The following TTN variants were observed in gnomAD, a reference collection of about 807,000 sequenced individuals.
TTN encodes the protein connectin.
Under a neutral mutation model 3,223.0 loss-of-function variants are expected in TTN, and 1,525 were observed. The ratio of observed to expected loss-of-function variants is 0.47; its 90% CI spans 0.45 to 0.49. TTN has a LOEUF of 0.49. Ranked by LOEUF, TTN falls within the 20% of genes least tolerant of loss-of-function variation. The pLI, the probability that TTN is intolerant of heterozygous loss-of-function variation, is 0.00. For missense variants in TTN, 40,786 were observed against 43,424.0 expected (o/e 0.94, Z 5.40); for synonymous variants, 14,094 against 15,161.0 (o/e 0.93, Z 5.17).
In TTN at chr2:178,724,247, C is replaced by G; in HGVS notation, c.21115+13G>C. On this transcript the variant is annotated intron_variant, in intron 72 of 362. Coordinates refer to ENST00000589042, the MANE Select transcript of TTN (RefSeq NM_001267550.2). ...ATTTGCATAAGCAACCAGAAGAAAA[C>G]AGCAGAACTAACCTGAAACATCAAC... The G allele has an allele frequency of 6.2e-7, 1 of 1,606,212 alleles. No individual in the cohort carries two copies. Among genetic ancestry groups the G allele is most frequent in the Non-Finnish European group, 8.5e-7 (1 of 1,175,724 alleles).
At chr2:178,751,451 T>A (rs1413900610) in intron 47 of TTN, 1 of 1,613,192 alleles carries the variant, frequency 6.2e-7, no homozygotes, top group Non-Finnish European at 8.5e-7. Flanking sequence ...CATTCCCTTT[T>A]GTTCCACATC....
At chr2:178,696,353 C>A (rs2073709118) in intron 113 of TTN, 84 bp from the exon 114 acceptor site, 1 of 1,120,520 alleles carries the variant, frequency 8.9e-7, no homozygotes, top group African/African-American at 1.6e-5. Context: ...AGTTAAACAA[C>A]ATCAGTATTT....
chr2:178,542,543 C>T lies in TTN; in HGVS notation c.97213G>A (p.Gly32405Arg), dbSNP rs767902989. Residue 32405 changes from glycine (G) to arginine (R), a missense_variant, in exon 349 of 363, where the codon GGA becomes AGA. Physicochemically the swap from Gly to Arg is moderately radical, Grantham distance 125. Coordinates refer to ENST00000589042, the MANE Select transcript of TTN (RefSeq NM_001267550.2). ...TCAATTTCATCAATCTTAATAGGTC[C>T]TGTTGGTGGACCAGGCTTGTCTATG... is the stretch of plus-strand genomic sequence containing the variant. ...IILDKPGPPT[G>R]PIKIDEIDAT... The T allele has an allele frequency of 6.2e-7, 1 of 1,605,228 alleles. No homozygotes were observed. The highest frequency in any genetic ancestry group is 1.1e-5 in the South Asian group (1 of 90,536).
chr2:178,629,225 G>A, intron 240 of TTN, 76 bp downstream of exon 240: 1 of 1,536,818 alleles, frequency 6.5e-7, no homozygotes, highest in Non-Finnish European at 8.8e-7. Flanking sequence ...AAAGAGCAAA[G>A]AATAAGGAAC....
rs937376366 is a variant in TTN, at chr2:178,669,533, T to A, written c.35470+59A>T. The A allele has an allele frequency of 3.1e-6, 5 of 1,603,868 alleles. No individual in the cohort carries two copies. The African/African-American group carries it at 6.7e-5, about 21-fold the overall frequency. ...GATTTAATGTCACACACATTCACTT[T>A]AAACCATGAAAAACTAAACCAAGAA... On this transcript the variant is annotated intron_variant, in intron 158 of 362. Transcript: ENST00000589042.
chr2:178,753,422 C>T, intron 46 of TTN: 1 of 398,838 alleles, frequency 2.5e-6, no homozygotes, highest in Non-Finnish European at 4.5e-6. Context: ...ACTTTTAGTT[C>T]TATAATTCCC....
chr2:178,569,800 T>C lies in TTN; in HGVS notation c.76332A>G (p.Lys25444=), dbSNP rs770712367. The stretch of plus-strand genomic sequence containing the variant: ...TCCATTCACCAACACTCACATCACA[T>C]TTTTCAACAATGTATCCTTGAATTT... The part of the protein sequence containing the change: ...GCEIQGYIVE[K]CDVSVGEWTM... Residue 25444 remains lysine (K), a synonymous_variant, in exon 326 of 363, where the codon AAA becomes AAG. Transcript: ENST00000589042. The C allele has an allele frequency of 1.2e-6, 2 of 1,613,336 alleles. No homozygotes were observed. The highest frequency in any genetic ancestry group is 2.2e-5 in the South Asian group (2 of 91,054).
intron 36 of TTN, 30 bp downstream of exon 36, chr2:178,770,030 A>C (rs894602469): frequency 1.2e-6 from 2 of 1,614,164 alleles, no homozygotes; most frequent in Non-Finnish European, 1.7e-6. Flanking sequence ...TCATTAAGGA[A>C]AGGGCTGTAG....
At chr2:178,672,597 G>T (rs1442253601) in intron 153 of TTN, 38 bp downstream of exon 153, 1 of 1,609,324 alleles carries the variant, frequency 6.2e-7, no homozygotes, top group Non-Finnish European at 8.5e-7. Context: ...AACGAAAAAA[G>T]ACAGAAGAGG....
chr2:178,766,407 C>T lies in TTN; in HGVS notation c.9677G>A (p.Arg3226Lys), dbSNP rs769991631. The T allele has an allele frequency of 6.2e-7, 1 of 1,613,886 alleles. No homozygotes were observed. ...GEYTFVAGRN[R>K]SSVTLYVNAP... The stretch of plus-strand genomic sequence containing the variant: ...ATTGACATAGAGAGTGACAGAACTC[C>T]TGTTCCTTCCTGCCACAAAGGTGTA... Residue 3226 changes from arginine to lysine, a missense_variant, in exon 41 of 363, where the codon AGG becomes AAG. Transcript: ENST00000589042.
At chr2:178,583,361 TA>T in intron 312 of TTN, 134 bp from the exon 313 acceptor site, 1 of 982,628 alleles carries the variant, frequency 1.0e-6, no homozygotes, top group Admixed American at 3.4e-5. Context: ...TGTTTATTTT[TA>T]ATAGACAAAT....
At position 178,568,721 on chromosome 2, in the gene TTN, A is replaced by C; in HGVS notation, c.77411T>G (p.Phe25804Cys). Residue 25804 changes from phenylalanine to cysteine, a missense_variant, in exon 326 of 363, where the codon TTC (phenylalanine) becomes TGC (cysteine). Transcript: ENST00000589042. ...GCCAACCTGTACACTGTAACTACTG[A>C]ATGCAGGTTTTACATCTGGCTCAAT... ...LVIEPDVKPA[F>C]SSYSVQVGQD... 2.5e-6 allele frequency: 4 copies of C among 1,613,288 alleles called. No homozygotes were observed. The highest frequency in any genetic ancestry group is 3.4e-6 in the Non-Finnish European group (4 of 1,179,542).
Position 178,532,152 on chromosome 2 carries a change from G to C in TTN, c.104463C>G (p.Ile34821Met). ...EITEIEEEYE[I>M]SKHAQRESSS... ...ATGATTCTCTTTGAGCATGTTTTGAGATTTCGTATTCTTCCTCAATTTCTG... is the reference window on the plus strand; with the variant it reads ...ATGATTCTCTTTGAGCATGTTTTGACATTTCGTATTCTTCCTCAATTTCTG... The change falls in exon 358 of 363, where the codon ATC (isoleucine) becomes ATG (methionine). Residue 34821 changes from isoleucine (I) to methionine (M), a missense_variant. By Grantham distance (10) the Ile-to-Met change is conservative (BLOSUM62 1). Transcript: ENST00000589042. 1 of 1,613,822 alleles carries C rather than the reference G, an allele frequency of 6.2e-7. No individual in the cohort carries two copies. The highest frequency in any genetic ancestry group is 8.5e-7 in the Non-Finnish European group (1 of 1,179,850).
intron 113 of TTN, among the ~76,000 whole-genome samples, chr2:178,696,780 A>G (rs1302807918): frequency 1.3e-5 from 2 of 152,108 alleles, no homozygotes; most frequent in African/African-American, 2.4e-5. Context: ...GTACTTTTAG[A>G]TAACAGATTT....
At position 178,730,527 on chromosome 2, in the gene TTN, G is replaced by A; in HGVS notation, c.18006C>T (p.Cys6002=). The A allele has an allele frequency of 2.5e-6, 4 of 1,611,344 alleles. No individual in the cohort carries two copies. Among genetic ancestry groups the A allele is most frequent in the Non-Finnish European group, 3.4e-6 (4 of 1,177,764 alleles). Residue 6002 remains cysteine (C), a synonymous_variant, in exon 61 of 363, where the codon TGC becomes TGT. Coordinates refer to ENST00000589042, the MANE Select transcript of TTN (RefSeq NM_001267550.2). ...SATNKAGHNQ[C]SGHLTVKEPP... is the part of the protein sequence containing the mutation. ...AACCTTTGACTGTCAGATGCCCACT[G>A]CATTGGTTGTGCCCTGCCTTATTTG...
intron 356 of TTN, 78 bp from the exon 357 acceptor site, chr2:178,536,653 G>A: frequency 3.2e-6 from 4 of 1,242,924 alleles, no homozygotes; most frequent in Non-Finnish European, 4.3e-6. Context: ...AAAAAAGAAT[G>A]TTATATGAGT....
intron 56 of TTN, 21 bp from the exon 57 acceptor site, chr2:178,732,368 T>C (rs2080701334): frequency 9.5e-6 from 15 of 1,579,256 alleles, no homozygotes; most frequent in Middle Eastern, 1.7e-4. Flanking sequence ...AAGGAAGTTA[T>C]TAAGAAATGT....
intron 127 of TTN, among the ~76,000 whole-genome samples, chr2:178,686,371 C>T (rs1388718516): frequency 7.9e-5 from 12 of 151,616 alleles, no homozygotes; most frequent in African/African-American, 2.9e-4. Context: ...CCACCCGCCT[C>T]GGCCTCCCAA....
rs16866391 is a variant in TTN at position 178,549,435 on chromosome 2, T to A, written c.92191A>T (p.Ile30731Leu). 3.2e-5 allele frequency: 51 copies of A among 1,610,900 alleles called. No homozygotes were observed. Among genetic ancestry groups the A allele is most frequent in the Non-Finnish European group, 3.9e-5 (46 of 1,177,516 alleles). ...GTCAGGGTAATGCTGTTGCCTGTTA[T>A]GTTGCTAGGTTCTGGAATGCCAGGG... is the stretch of plus-strand genomic sequence containing the variant. ...DAPGIPEPSN[I>L]TGNSITLTWA... Residue 30731 changes from isoleucine (I) to leucine (L), a missense_variant, in exon 339 of 363, where the codon ATA becomes TTA. Physicochemically the swap from Ile to Leu is conservative, Grantham distance 5. Coordinates refer to ENST00000589042, the MANE Select transcript of TTN (RefSeq NM_001267550.2).
Sources: gnomAD v4.1 joint callset for allele counts (sites outside exome capture counted in the v4.1 genomes callset) on GRCh38, gnomAD v4.1.1 for gene constraint, MANE v1.5 for transcripts, NCBI Gene and HGNC (gene_info 2026-07-23, HGNC 2026-07-21) for gene names.